Variants in TTBK1 observed in about 807,000 individuals in gnomAD.
TTBK1 encodes the protein tau tubulin kinase 1, also known as tau-tubulin kinase 1.
A neutral mutation model predicts 108.5 loss-of-function variants in TTBK1; 34 were observed. That is an observed-to-expected ratio of 0.31 (90% CI 0.24 to 0.42). The LOEUF is 0.42. TTBK1 is among the 10% of genes least tolerant of loss of function. The pLI is 1.00. For synonymous variants in TTBK1, 809 were observed against 795.1 expected, an observed-to-expected ratio of 1.02 and a Z score of -0.29; for missense variants, 1,539 against 1,826.0, an observed-to-expected ratio of 0.84 and a Z score of 2.86.
rs1778193822 is a variant in TTBK1 at position 43,282,537 on chromosome 6, A to T, written c.1987-190A>T. On this transcript the variant is annotated intron_variant, in intron 13 of 14. Coordinates refer to ENST00000259750, the MANE Select transcript of TTBK1 (RefSeq NM_032538.3). This position sits in a 1 kb window ranked among gnomAD's most constrained non-coding sequence, Gnocchi z 5.4. ...TTCCTGAGCACTCACTAGGCGCCAG[A>T]GACCATTCTAGGCCCTGGGGACAGA... 6.6e-6 allele frequency among the ~76,000 whole-genome samples: 1 copy of T among 152,200 alleles called. No homozygotes were observed. The highest frequency in any genetic ancestry group is 2.4e-5 in the African/African-American group (1 of 41,446).
chr6:43,247,110 G>C (rs1777111815), intron 2 of TTBK1, among the ~76,000 whole-genome samples: 1 of 152,134 alleles, frequency 6.6e-6, no homozygotes, highest in Admixed American at 6.5e-5. Context: ...CTTTTTCTCT[G>C]ACGGACCTTG....
chr6:43,284,121 G>C lies in TTBK1; in HGVS notation c.3381G>C (p.Thr1127=), dbSNP rs113460131. The C allele has an allele frequency of 2.9e-5, 45 of 1,539,558 alleles. No individual in the cohort carries two copies. The highest frequency in any genetic ancestry group is 3.8e-5 in the Non-Finnish European group (44 of 1,147,356). ...GTGCCTCTGAGACCCTCTCAGGCAC[G>C]GGCTCTGAGGAGGACACGCCCGCCT... The part of the protein sequence containing the change: ...QRRASETLSG[T]GSEEDTPASE... Residue 1127 remains threonine (T), a synonymous_variant, in exon 14 of 15, where the codon ACG becomes ACC. Transcript: ENST00000259750.
chr6:43,246,889 AT>A, intron 2 of TTBK1, 121 bp downstream of exon 2: 1 of 674,862 alleles, frequency 1.5e-6, no homozygotes, highest in Non-Finnish European at 2.5e-6. Flanking sequence ...CTCTAAGCTC[AT>A]TTGCATACTG....
intron 13 of TTBK1, among the ~76,000 whole-genome samples, chr6:43,264,151 G>A (rs1777618516): frequency 1.3e-5 from 2 of 152,210 alleles, no homozygotes; most frequent in Admixed American, 6.5e-5. Context: ...GGAGGCCAAG[G>A]TGGGCAGATC....
At chr6:43,271,434 G>A in intron 13 of TTBK1, 1 of 985,436 alleles carries the variant, frequency 1.0e-6, no homozygotes, top group Non-Finnish European at 1.2e-6. Flanking sequence ...ATGAGTGTGT[G>A]TATGCACATG....
In TTBK1 at chr6:43,284,153, C is replaced by T. The variant is rs746826187; in HGVS notation, c.3413C>T (p.Pro1138Leu). ...GAGGAGGACACGCCCGCCTCTGAGC[C>T]GGCAGCGGCCTTGCCCAGGAAGAGC... ...GSEEDTPASE[P>L]AAALPRKSGR... is the part of the protein sequence containing the mutation. The change falls in exon 14 of 15, where the codon CCG becomes CTG. Residue 1138 changes from proline (P) to leucine (L), a missense_variant. Pro to Leu is a moderately conservative substitution (Grantham distance 98). Around this residue, in one of 5 missense-constraint regions of TTBK1, gnomAD observed 1,055 missense variants for 1,086.5 expected, o/e 0.97. Coordinates refer to ENST00000259750, the MANE Select transcript of TTBK1 (RefSeq NM_032538.3). 4.5e-6 allele frequency: 7 copies of T among 1,547,620 alleles called. No individual in the cohort carries two copies. In the Admixed American group the frequency reaches 5.8e-5, roughly 13 times the overall value.
intron 2 of TTBK1, among the ~76,000 whole-genome samples, chr6:43,252,093 C>T (rs757413444): frequency 8.6e-5 from 13 of 152,024 alleles, no homozygotes; most frequent in Admixed American, 3.9e-4. Flanking sequence ...AGGTCAAGGG[C>T]GGCCCAGTGT....
rs997487824 is a variant in TTBK1, at chr6:43,285,384, C to G, written c.*8C>G. 2.4e-6 allele frequency: 3 copies of G among 1,271,948 alleles called. No individual in the cohort carries two copies. The Admixed American group carries it at 1.3e-4, about 54-fold the overall frequency. The allele number at this position is 1,271,948 out of a possible 1,614,324, so 78.8% of individuals were successfully genotyped here. A position where few individuals can be genotyped will look rare whatever the true frequency, so the allele number is the denominator to read the frequency against. ...CGGGCTGGGGCCAGATAATGACGCC[C>G]GCTGCTCTCCGCGGTCCCCCACCCT... On this transcript the variant is annotated 3_prime_UTR_variant, in exon 15 of 15. Transcript: ENST00000259750. This position sits in a 1 kb window ranked among gnomAD's most constrained non-coding sequence, Gnocchi z 4.7.
Position 43,276,177 on chromosome 6 carries a change from C to A in TTBK1, c.1987-6550C>A, listed in dbSNP as rs753341437. On this transcript the variant is annotated intron_variant, in intron 13 of 14. Coordinates refer to ENST00000259750, the MANE Select transcript of TTBK1 (RefSeq NM_032538.3). The surrounding 1 kb of genome is among the most constrained non-coding windows in gnomAD (Gnocchi z 5.4). Reference sequence around the variant, plus strand: ...ATCGTAAGTCCTTCCCTCGACCCCCCATTTTGTACTGCAATAATACTGTAT... The same window carrying A: ...ATCGTAAGTCCTTCCCTCGACCCCCAATTTTGTACTGCAATAATACTGTAT... Among the ~76,000 whole-genome samples the A allele has an allele frequency of 2.6e-5, 4 of 152,216 alleles. No individual in the cohort carries two copies. The highest frequency in any genetic ancestry group is 4.4e-5 in the Non-Finnish European group (3 of 68,048).
intron 1 of TTBK1, among the ~76,000 whole-genome samples, chr6:43,244,666 CCTCAT>C (rs1777041790): frequency 6.6e-6 from 1 of 152,134 alleles, no homozygotes; most frequent in African/African-American, 2.4e-5. Flanking sequence ...CCTTCTCTTG[CCTCAT>C]CTGTTTCTTT....
rs1424107061 is a variant in TTBK1 at position 43,287,785 on chromosome 6, C to T, written c.*2409C>T. 6.6e-6 allele frequency: 1 copy of T among 152,656 alleles called. No individual in the cohort carries two copies. The highest frequency in any genetic ancestry group is 2.4e-5 in the African/African-American group (1 of 41,466). The allele number at this position is 152,656 out of a possible 1,614,324, so 9.5% of individuals were successfully genotyped here. ...CCACCAGGCCTCCAGGTCCTGAGCC[C>T]TTCCTCTGTAAAAGTGTCACACCAC... On this transcript the variant is annotated 3_prime_UTR_variant, in exon 15 of 15. Transcript: ENST00000259750. This position sits in a 1 kb window ranked among gnomAD's most constrained non-coding sequence, Gnocchi z 4.1.
chr6:43,267,802 G>A (rs1777722786), intron 13 of TTBK1, among the ~76,000 whole-genome samples: 2 of 152,220 alleles, frequency 1.3e-5, no homozygotes, highest in African/African-American at 4.8e-5. Context: ...CGATAGCACA[G>A]CAGGTCAGCA....
At chr6:43,274,087 G>A (rs900644070) in intron 13 of TTBK1, among the ~76,000 whole-genome samples, 2 of 152,184 alleles carry the variant, frequency 1.3e-5, no homozygotes, top group African/African-American at 2.4e-5. Flanking sequence ...CCATGGGAGA[G>A]GGTATGTTCT....
chr6:43,256,548 G>A (rs185968228), intron 9 of TTBK1, among the ~76,000 whole-genome samples: 2 of 152,116 alleles, frequency 1.3e-5, no homozygotes, highest in Non-Finnish European at 2.9e-5. Flanking sequence ...AGACCAGCCT[G>A]GCCAGCATGG....
In TTBK1 at chr6:43,263,985, G is replaced by A. The variant is rs1266359611; in HGVS notation, c.1986+635G>A. Among the ~76,000 whole-genome samples, 1 of 152,160 alleles carries A rather than the reference G, an allele frequency of 6.6e-6. No homozygotes were observed. Among genetic ancestry groups the A allele is most frequent in the Non-Finnish European group, 1.5e-5 (1 of 68,020 alleles). On this transcript the variant is annotated intron_variant, in intron 13 of 14. Transcript: ENST00000259750. This position sits in a 1 kb window ranked among gnomAD's most constrained non-coding sequence, Gnocchi z 4.7. ...GGGCAAGGTGGATAGTGCCAAGGGTGTTGGGGATAGGTCAAGCAGGCTGTG... is the reference window on the plus strand; with the variant it reads ...GGGCAAGGTGGATAGTGCCAAGGGTATTGGGGATAGGTCAAGCAGGCTGTG...
Position 43,259,509 on chromosome 6 carries a change from A to G in TTBK1, c.1249-22A>G, listed in dbSNP as rs1777475044. ...ACAGCCGCCTCATCAGCCCCAGCTC[A>G]TGGCACTCCCCTCTCCTGCAGAGCC... On this transcript the variant is annotated intron_variant, in intron 11 of 14. Transcript: ENST00000259750. The surrounding 1 kb of genome is among the most constrained non-coding windows in gnomAD (Gnocchi z 6.7). 2 of 1,540,454 alleles carry G rather than the reference A, an allele frequency of 1.3e-6. No individual in the cohort carries two copies. Among genetic ancestry groups the G allele is most frequent in the African/African-American group, 2.8e-5 (2 of 72,430 alleles).
At chr6:43,281,846 A>T (rs980160462) in intron 13 of TTBK1, among the ~76,000 whole-genome samples, 28 of 152,166 alleles carry the variant, frequency 1.8e-4, no homozygotes, top group African/African-American at 6.8e-4. Context: ...ATGTCTGTGT[A>T]TTGAACAGGG....
rs1047067605 is a variant in TTBK1 at position 43,276,742 on chromosome 6, C to G, written c.1987-5985C>G. ...GTGTAGACCCTGGCTCTGAGGTCGC[C>G]GGGCTGGGCAGAGGGCAGGGGTTAG... On this transcript the variant is annotated intron_variant, in intron 13 of 14. Transcript: ENST00000259750. This position sits in a 1 kb window ranked among gnomAD's most constrained non-coding sequence, Gnocchi z 5.4. 6.6e-6 allele frequency among the ~76,000 whole-genome samples: 1 copy of G among 152,164 alleles called. No homozygotes were observed. The highest frequency in any genetic ancestry group is 2.4e-5 in the African/African-American group (1 of 41,440).
intron 1 of TTBK1, among the ~76,000 whole-genome samples, chr6:43,245,267 C>G (rs1777056942): frequency 6.6e-6 from 1 of 151,608 alleles, no homozygotes; most frequent in Non-Finnish European, 1.5e-5. Flanking sequence ...AACCCCCAAA[C>G]CCCAGCCTAA....
Sources: allele counts gnomAD v4.1 joint callset (sites outside exome capture counted in the v4.1 genomes callset), GRCh38; gene constraint gnomAD v4.1.1; regional missense constraint gnomAD v4.1.1; non-coding constraint Gnocchi (gnomAD v3.1); transcripts MANE v1.5; gene names NCBI Gene and HGNC (gene_info 2026-07-23, HGNC 2026-07-21).